The following COL26A1 variants were observed in gnomAD, a reference collection of about 807,000 sequenced individuals.
COL26A1 encodes the protein collagen alpha-1(XXVI) chain.
In COL26A1, 41 loss-of-function variants were observed where a neutral mutation model predicts 59.3. That is an observed-to-expected ratio of 0.69 (90% CI 0.54 to 0.90). The LOEUF (loss-of-function observed/expected upper bound fraction) is 0.90, where lower values mean the gene tolerates loss of function less well. COL26A1 is among the 40% of genes least tolerant of loss of function. COL26A1 has a pLI of 0.00. For missense variants in COL26A1, 612 were observed against 602.3 expected, an observed-to-expected ratio of 1.02 and a Z score of -0.17; for synonymous variants, 266 against 256.0, an observed-to-expected ratio of 1.04 and a Z score of -0.37.
intron 1 of COL26A1, among the ~76,000 whole-genome samples, chr7:101,383,868 CTA>C (rs1157714212): frequency 1.3e-5 from 2 of 152,126 alleles, no homozygotes; most frequent in African/African-American, 4.8e-5. Flanking sequence ...TGGGATTTCT[CTA>C]TGTTGGTCAG....
At chr7:101,412,605 G>A (rs1026332740) in intron 1 of COL26A1, among the ~76,000 whole-genome samples, 1 of 143,352 alleles carries the variant, frequency 7.0e-6, no homozygotes, top group Non-Finnish European at 1.5e-5. Flanking sequence ...AGATTGCATC[G>A]CTGCCCTTCA....
intron 3 of COL26A1, among the ~76,000 whole-genome samples, chr7:101,515,529 C>T (rs554749146): frequency 2.6e-4 from 40 of 151,968 alleles, no homozygotes; most frequent in Non-Finnish European, 4.7e-4. Context: ...AGTGATCTGC[C>T]CGCCTTGGTC....
chr7:101,504,397 G>A (rs1375871295), intron 3 of COL26A1, among the ~76,000 whole-genome samples: 3 of 152,172 alleles, frequency 2.0e-5, no homozygotes, highest in Admixed American at 1.3e-4. Context: ...CACGGTGCCC[G>A]GCCCACTGGC....
At chr7:101,461,704 C>T (rs895081978) in intron 3 of COL26A1, among the ~76,000 whole-genome samples, 1 of 152,200 alleles carries the variant, frequency 6.6e-6, no homozygotes, top group African/African-American at 2.4e-5. Context: ...ATTTCTAGAA[C>T]CTCCTGGTTG....
rs561098356 is a variant in COL26A1 at position 101,453,962 on chromosome 7, A to G, written c.385+6175A>G. Among the ~76,000 whole-genome samples the G allele has an allele frequency of 1.1e-4, 17 of 152,250 alleles. No homozygotes were observed. The East Asian group carries it at 2.9e-3, about 26-fold the overall frequency. On this transcript the variant is annotated intron_variant, in intron 3 of 12. Transcript: ENST00000313669. ...GGTTTCCCTCCCTAGACACCCCAGG[A>G]GTGCAGGTCTAAGGTTTGGAAATAC... is the stretch of plus-strand genomic sequence containing the variant.
At chr7:101,525,277 G>A (rs577224651) in intron 3 of COL26A1, among the ~76,000 whole-genome samples, 2 of 143,406 alleles carry the variant, frequency 1.4e-5, no homozygotes, top group East Asian at 4.0e-4. Flanking sequence ...TGTCTCCTGG[G>A]TTCAAGCCAT....
chr7:101,507,166 C>T (rs1315150663), intron 3 of COL26A1, among the ~76,000 whole-genome samples: 19 of 152,150 alleles, frequency 1.2e-4, no homozygotes, highest in African/African-American at 9.7e-5. Context: ...CCGCCTGCCT[C>T]GGCCTCCCAA....
chr7:101,499,852 C>G (rs1371865177), intron 3 of COL26A1, among the ~76,000 whole-genome samples: 1 of 146,878 alleles, frequency 6.8e-6, no homozygotes, highest in South Asian at 2.2e-4. Context: ...TGCACTCCAA[C>G]CTGGGTGATA....
At chr7:101,510,996 G>A (rs1397043661) in intron 3 of COL26A1, among the ~76,000 whole-genome samples, 1 of 149,550 alleles carries the variant, frequency 6.7e-6, no homozygotes, top group East Asian at 2.0e-4. Context: ...CACCTCCCAG[G>A]TTCACGCGAT....
At chr7:101,530,231 A>G (rs1422479761) in intron 3 of COL26A1, among the ~76,000 whole-genome samples, 1 of 151,970 alleles carries the variant, frequency 6.6e-6, no homozygotes, top group African/African-American at 2.4e-5. Flanking sequence ...CCCATTAAGG[A>G]CTTCTTTCAG....
At chr7:101,442,207 T>C (rs1793075148) in intron 2 of COL26A1, among the ~76,000 whole-genome samples, 1 of 141,094 alleles carries the variant, frequency 7.1e-6, no homozygotes, top group South Asian at 2.4e-4. Flanking sequence ...CAGGAATTAA[T>C]TTTAAAACTG....
At chr7:101,388,572 T>C (rs1791648333) in intron 1 of COL26A1, among the ~76,000 whole-genome samples, 1 of 148,058 alleles carries the variant, frequency 6.8e-6, no homozygotes, top group African/African-American at 2.5e-5. Context: ...CCTATTTTCT[T>C]TTTTTTTTTT....
intron 3 of COL26A1, among the ~76,000 whole-genome samples, chr7:101,468,596 G>A (rs17135429): frequency 0.02 from 3,052 of 152,294 alleles, 80 homozygotes; most frequent in African/African-American, 0.07. Flanking sequence ...CCTGCAGAAG[G>A]GGGCTTACCT....
At chr7:101,551,238 T>TGTGGGGGGGGGGCC in intron 10 of COL26A1, 95 bp downstream of exon 10, 1 of 491,354 alleles carries the variant, frequency 2.0e-6, no homozygotes. Context: ...GGTGGGGGGG[T>TGTGGGGGGGGGGCC]TCAGCCCTGG....
At chr7:101,379,807 T>C (rs28458843) in intron 1 of COL26A1, among the ~76,000 whole-genome samples, 9,235 of 152,228 alleles carry the variant, frequency 0.061, 639 homozygotes, top group African/African-American at 0.16. Flanking sequence ...ACCAGCGCCA[T>C]AACAGTTTGC....
chr7:101,441,452 C>T (rs1243645396), intron 2 of COL26A1, among the ~76,000 whole-genome samples: 1 of 152,136 alleles, frequency 6.6e-6, no homozygotes, highest in Non-Finnish European at 1.5e-5. Context: ...GCTGGGATTA[C>T]AGGCGCCCAC....
intron 1 of COL26A1, among the ~76,000 whole-genome samples, chr7:101,371,149 A>G (rs1791182390): frequency 6.6e-6 from 1 of 152,266 alleles, no homozygotes; most frequent in African/African-American, 2.4e-5. Context: ...CCTTGCATTC[A>G]CTGAGCCCAC....
At chr7:101,429,306 G>A (rs1161462490) in intron 2 of COL26A1, among the ~76,000 whole-genome samples, 2 of 152,022 alleles carry the variant, frequency 1.3e-5, no homozygotes, top group Non-Finnish European at 2.9e-5. Flanking sequence ...TTTGCATAAG[G>A]TGTGAGGTTT....
intron 3 of COL26A1, among the ~76,000 whole-genome samples, chr7:101,469,228 G>C (rs1448797831): frequency 6.6e-6 from 1 of 152,152 alleles, no homozygotes; most frequent in Non-Finnish European, 1.5e-5. Flanking sequence ...TCTGAAAAGG[G>C]GTGAAAGCTA....
Sources: allele counts gnomAD v4.1 joint callset (sites outside exome capture counted in the v4.1 genomes callset), GRCh38; gene constraint gnomAD v4.1.1; transcripts MANE v1.5; gene names NCBI Gene and HGNC (gene_info 2026-07-23, HGNC 2026-07-21).